TGFBRAP1: variants seen among roughly 807,000 people sequenced by gnomAD.
TGFBRAP1 encodes the protein transforming growth factor-beta receptor-associated protein 1.
TGFBRAP1 carries 20 observed loss-of-function variants against 83.2 expected under a neutral mutation model. That is an observed-to-expected ratio of 0.24 (90% confidence interval 0.17 to 0.35). TGFBRAP1 has a LOEUF of 0.35. Ranked by LOEUF, TGFBRAP1 falls within the 10% of genes least tolerant of loss-of-function variation. TGFBRAP1 has a pLI of 1.00. For missense variants in TGFBRAP1, 950 were observed against 1,099.4 expected, an observed-to-expected ratio of 0.86 and a Z score of 1.92; for synonymous variants, 415 against 459.8, an observed-to-expected ratio of 0.90 and a Z score of 1.25.
chr2:105,288,171 A>G (rs183969469), intron 4 of TGFBRAP1, among the ~76,000 whole-genome samples: 2 of 152,256 alleles, frequency 1.3e-5, no homozygotes, highest in African/African-American at 4.8e-5. Context: ...TTTTTGAGAA[A>G]GATGACAACC....
the TGFBRAP1 span, among the ~76,000 whole-genome samples, chr2:105,251,891 G>A: frequency 4.0e-5 from 6 of 149,818 alleles, no homozygotes; most frequent in African/African-American, 1.2e-4. Flanking sequence ...ACTCAGGGTT[G>A]AATGGATTAA....
At chr2:105,253,052 C>T in the TGFBRAP1 span, among the ~76,000 whole-genome samples, 1 of 152,122 alleles carries the variant, frequency 6.6e-6, no homozygotes, top group South Asian at 2.1e-4. Flanking sequence ...CCACGCCCAG[C>T]CAAGGTGATA....
intron 4 of TGFBRAP1, among the ~76,000 whole-genome samples, chr2:105,290,152 C>T (rs1291136024): frequency 3.3e-5 from 5 of 152,186 alleles, no homozygotes; most frequent in Admixed American, 6.5e-5. Context: ...CTACAACCTC[C>T]GCCTCACGGG....
rs559263586 is a variant in TGFBRAP1, at chr2:105,264,721, G to A, written c.*2662C>T. 54 of 152,382 alleles carry A rather than the reference G, an allele frequency of 3.5e-4. No individual in the cohort carries two copies. Among genetic ancestry groups the A allele is most frequent in the African/African-American group, 1.3e-3 (52 of 41,590 alleles). 9.4% of individuals were successfully genotyped at this position (152,382 alleles called of 1,614,324 possible). A position where few individuals can be genotyped will look rare whatever the true frequency, so the allele number is the denominator to read the frequency against. ...GCAGTTGAACTCAGCCCAGTGCAAC[G>A]CAGCCTGAGTGACATCCCTACATTA... is the stretch of plus-strand genomic sequence containing the variant. On this transcript the variant is annotated 3_prime_UTR_variant, in exon 12 of 12. Coordinates refer to ENST00000393359, the MANE Select transcript of TGFBRAP1 (RefSeq NM_004257.6).
intron 1 of TGFBRAP1, among the ~76,000 whole-genome samples, chr2:105,315,299 A>G (rs1052531411): frequency 2.0e-5 from 3 of 152,202 alleles, no homozygotes; most frequent in South Asian, 2.1e-4. Context: ...TAAATTTTAA[A>G]TGGAAAGCAC....
intron 7 of TGFBRAP1, 22 bp from the exon 8 acceptor site, chr2:105,275,725 A>G (rs749114925): frequency 1.3e-6 from 2 of 1,585,364 alleles, no homozygotes; most frequent in Non-Finnish European, 1.7e-6. Flanking sequence ...TCAAAAAGAA[A>G]AAAAGAAAAA....
chr2:105,269,830 A>C lies in TGFBRAP1; in HGVS notation c.1973-125T>G. On this transcript the variant is annotated intron_variant, in intron 10 of 11. Coordinates refer to ENST00000393359, the MANE Select transcript of TGFBRAP1 (RefSeq NM_004257.6). The surrounding 1 kb of genome is among the most constrained non-coding windows in gnomAD (Gnocchi z 4.1). ...CAACCTGGCTCCCTCACAATGCCAA[A>C]TGCTGCCACCCAGATGACTGAGGGT... The C allele has an allele frequency of 9.7e-7, 1 of 1,031,772 alleles. No individual in the cohort carries two copies. The highest frequency in any genetic ancestry group is 1.3e-6 in the Non-Finnish European group (1 of 742,616). 63.9% of individuals were successfully genotyped at this position (1,031,772 alleles called of 1,614,324 possible).
chr2:105,259,660 A>G (rs1274220393), downstream of TGFBRAP1, among the ~76,000 whole-genome samples: 1 of 152,198 alleles, frequency 6.6e-6, no homozygotes, highest in African/African-American at 2.4e-5. Context: ...AATGAAACAC[A>G]CAGGGCAGGT....
chr2:105,319,560 C>A (rs1173378376), intron 1 of TGFBRAP1, among the ~76,000 whole-genome samples: 1 of 149,356 alleles, frequency 6.7e-6, no homozygotes, highest in Admixed American at 6.7e-5. Context: ...GGTGTGGTGG[C>A]AGGTGCCTGT....
At chr2:105,282,176 C>A (rs907832839) in intron 5 of TGFBRAP1, among the ~76,000 whole-genome samples, 2 of 152,194 alleles carry the variant, frequency 1.3e-5, no homozygotes, top group African/African-American at 4.8e-5. Context: ...AGTTTCCAAG[C>A]TAGAATGGGC....
At chr2:105,284,168 T>G (rs921304424) in intron 5 of TGFBRAP1, 148 bp downstream of exon 5, 10 of 669,912 alleles carry the variant, frequency 1.5e-5, no homozygotes, top group Middle Eastern at 4.3e-4. Flanking sequence ...ATTGGCGGGG[T>G]CTGCTGTCAC....
chr2:105,256,264 C>G, the TGFBRAP1 span, among the ~76,000 whole-genome samples: 1 of 152,158 alleles, frequency 6.6e-6, no homozygotes, highest in Admixed American at 6.5e-5. Context: ...GAGAAAGCCT[C>G]CCCTCCAGCC....
chr2:105,284,179 G>A (rs1011789380), intron 5 of TGFBRAP1, 137 bp downstream of exon 5: 1 of 755,630 alleles, frequency 1.3e-6, no homozygotes, highest in South Asian at 1.6e-5. Flanking sequence ...CTGCTGTCAC[G>A]AGCTACCCCC....
At chr2:105,325,602 C>G (rs1308247650) in intron 1 of TGFBRAP1, among the ~76,000 whole-genome samples, 2 of 150,102 alleles carry the variant, frequency 1.3e-5, no homozygotes, top group Non-Finnish European at 3.0e-5. Context: ...TGCTGCAGTT[C>G]CTGAGGAGTC....
intron 1 of TGFBRAP1, among the ~76,000 whole-genome samples, chr2:105,322,728 C>G (rs74552065): frequency 0.021 from 3,165 of 152,228 alleles, 123 homozygotes; most frequent in African/African-American, 0.073. Flanking sequence ...ATACACTGTA[C>G]CATCCAGGTT....
intron 4 of TGFBRAP1, among the ~76,000 whole-genome samples, chr2:105,290,575 CAGAG>C (rs1256266206): frequency 3.6e-4 from 48 of 133,334 alleles, no homozygotes; most frequent in Admixed American, 2.9e-3. Context: ...GAGAGAAAGA[CAGAG>C]AGAGAGAAAG....
intron 7 of TGFBRAP1, among the ~76,000 whole-genome samples, chr2:105,277,300 C>T (rs1317206401): frequency 1.3e-5 from 2 of 152,172 alleles, no homozygotes; most frequent in Non-Finnish European, 2.9e-5. Context: ...CATTCACTGC[C>T]TAAATTTTCT....
chr2:105,324,132 C>T (rs534812390), intron 1 of TGFBRAP1: 2 of 152,206 alleles, frequency 1.3e-5, no homozygotes, highest in East Asian at 1.9e-4. Context: ...AGCAGAAAAA[C>T]GGGTGAAATT....
At chr2:105,253,115 A>G in the TGFBRAP1 span, among the ~76,000 whole-genome samples, 2 of 151,728 alleles carry the variant, frequency 1.3e-5, no homozygotes, top group Non-Finnish European at 2.9e-5. Context: ...ACATATATGA[A>G]TAAATGCCCC....
Sources: gnomAD v4.1 joint callset for allele counts (sites outside exome capture counted in the v4.1 genomes callset) on GRCh38, gnomAD v4.1.1 for gene constraint, Gnocchi (gnomAD v3.1) non-coding constraint, MANE v1.5 for transcripts, NCBI Gene and HGNC (gene_info 2026-07-23, HGNC 2026-07-21) for gene names.